Variants in BCAT1 observed in about 807,000 individuals in gnomAD.
BCAT1 encodes branched chain amino acid transaminase 1.
BCAT1 carries 48 observed loss-of-function variants against 52.4 expected under a neutral mutation model. That is an observed-to-expected ratio of 0.92 (90% CI 0.73 to 1.16). The LOEUF (loss-of-function observed/expected upper bound fraction) is 1.16, where lower values mean the gene tolerates loss of function less well. BCAT1 is among the 50% of genes most tolerant of loss of function. BCAT1 has a pLI of 0.00. For missense variants in BCAT1, 451 were observed against 457.1 expected, an observed-to-expected ratio of 0.99 and a Z score of 0.12; for synonymous variants, 167 against 161.3, an observed-to-expected ratio of 1.04 and a Z score of -0.27.
Position 24,817,295 on chromosome 12 carries a change from T to C in BCAT1, c.*713A>G, listed in dbSNP as rs1221088282. 6.6e-6 allele frequency: 1 copy of C among 152,440 alleles called. No individual in the cohort carries two copies. The highest frequency in any genetic ancestry group is 1.9e-4 in the East Asian group (1 of 5,202). 9.4% of individuals were successfully genotyped at this position (152,440 alleles called of 1,614,324 possible). A position where few individuals can be genotyped will look rare whatever the true frequency, so the allele number is the denominator to read the frequency against. On this transcript the variant is annotated 3_prime_UTR_variant, in exon 11 of 11. Coordinates refer to ENST00000261192, the MANE Select transcript of BCAT1 (RefSeq NM_005504.7). ...ATTATAAAACCATTTACTGAGTACC[T>C]ACTATATGTCAGCCATGGGGGATAC...
chr12:24,906,311 G>A (rs1005501889), intron 1 of BCAT1, among the ~76,000 whole-genome samples: 1 of 152,160 alleles, frequency 6.6e-6, no homozygotes, highest in African/African-American at 2.4e-5. Flanking sequence ...AAAAAGGAAT[G>A]TTGAAAAAGA....
chr12:24,938,863 G>GATAT (rs1943807216), intron 1 of BCAT1, among the ~76,000 whole-genome samples: 1 of 118,040 alleles, frequency 8.5e-6, no homozygotes, highest in East Asian at 2.8e-4. Flanking sequence ...TATTGCCTTT[G>GATAT]CTATTTATTT....
chr12:24,949,182 GC>G (rs1943985247), upstream of BCAT1: 25 of 533,294 alleles, frequency 4.7e-5, no homozygotes, highest in East Asian at 7.0e-4. Flanking sequence ...CCCCCAGGCC[GC>G]CCCCAGATGG....
chr12:24,900,275 C>A (rs1943063953), intron 2 of BCAT1, among the ~76,000 whole-genome samples: 1 of 152,088 alleles, frequency 6.6e-6, no homozygotes, highest in Non-Finnish European at 1.5e-5. Flanking sequence ...ATACAGAAAT[C>A]TAAATTAACA....
At chr12:24,859,996 T>TA (rs1941809470) in intron 5 of BCAT1, among the ~76,000 whole-genome samples, 1 of 152,244 alleles carries the variant, frequency 6.6e-6, no homozygotes, top group Non-Finnish European at 1.5e-5. Context: ...ACTTAGTTTA[T>TA]GTTATCAGTA....
chr12:24,857,955 T>TATGG (rs1252205314), intron 5 of BCAT1, among the ~76,000 whole-genome samples: 2 of 152,112 alleles, frequency 1.3e-5, no homozygotes, highest in Non-Finnish European at 2.9e-5. Flanking sequence ...ACCTAGAAGG[T>TATGG]ATGGAAACAT....
At chr12:24,851,991 C>T (rs1275518589) in intron 5 of BCAT1, among the ~76,000 whole-genome samples, 2 of 151,992 alleles carry the variant, frequency 1.3e-5, no homozygotes, top group Admixed American at 1.3e-4. Flanking sequence ...AGGAGGGGCC[C>T]AGTGTGAGAT....
At chr12:24,822,313 A>C (rs2139324880) in intron 10 of BCAT1, among the ~76,000 whole-genome samples, 1 of 152,362 alleles carries the variant, frequency 6.6e-6, no homozygotes, top group Admixed American at 6.5e-5. Flanking sequence ...TATTACTCAT[A>C]TGCAGAAGTA....
chr12:24,870,155 C>G (rs1319766235), intron 5 of BCAT1, among the ~76,000 whole-genome samples: 1 of 151,952 alleles, frequency 6.6e-6, no homozygotes, highest in Non-Finnish European at 1.5e-5. Flanking sequence ...ACCTTTGGTT[C>G]TACTTGAATT....
At chr12:24,879,729 G>A (rs1942440537) in intron 4 of BCAT1, among the ~76,000 whole-genome samples, 1 of 152,174 alleles carries the variant, frequency 6.6e-6, no homozygotes, top group Non-Finnish European at 1.5e-5. Flanking sequence ...TTCTTGCCCT[G>A]TCCTTTTGCT....
chr12:24,949,105 C>A (rs540492086), upstream of BCAT1: 1 of 614,718 alleles, frequency 1.6e-6, no homozygotes, highest in South Asian at 2.1e-5. Context: ...GGATTGCAGA[C>A]CGGCCCTCTC....
Position 24,836,613 on chromosome 12 carries a change from G to T in BCAT1, c.818-17C>A, listed in dbSNP as rs1225296162. On this transcript the variant is annotated splice_polypyrimidine_tract_variant and intron_variant, in intron 7 of 10. Coordinates refer to ENST00000261192, the MANE Select transcript of BCAT1 (RefSeq NM_005504.7). ...GTTCTTCTTCTGTCAATCAGAAATT[G>T]GGACATTTTCAAACTTTCACTACAT... 6.3e-7 allele frequency: 1 copy of T among 1,596,458 alleles called. No individual in the cohort carries two copies. The highest frequency in any genetic ancestry group is 1.7e-5 in the Admixed American group (1 of 58,802).
At chr12:24,923,090 T>C (rs1943526122) in intron 1 of BCAT1, among the ~76,000 whole-genome samples, 2 of 152,128 alleles carry the variant, frequency 1.3e-5, no homozygotes. Flanking sequence ...TGTGGGGCTG[T>C]CATGTAAACA....
At chr12:24,893,857 C>A (rs1242764812) in intron 3 of BCAT1, among the ~76,000 whole-genome samples, 1 of 152,138 alleles carries the variant, frequency 6.6e-6, no homozygotes, top group African/African-American at 2.4e-5. Context: ...CCTTAACATG[C>A]ATAACTAGAC....
Position 24,817,679 on chromosome 12 carries a change from T to C in BCAT1, c.*329A>G, listed in dbSNP as rs1939931729. On this transcript the variant is annotated 3_prime_UTR_variant, in exon 11 of 11. Coordinates refer to ENST00000261192, the MANE Select transcript of BCAT1 (RefSeq NM_005504.7). Reference sequence around the variant, plus strand: ...TTTGAGGAGCAGAATGTAACTTATATTAAAGAATAAACTACTATTTAGTAT... The same window carrying C: ...TTTGAGGAGCAGAATGTAACTTATACTAAAGAATAAACTACTATTTAGTAT... The C allele has an allele frequency of 4.5e-6, 1 of 223,404 alleles. No individual in the cohort carries two copies. Among genetic ancestry groups the C allele is most frequent in the Non-Finnish European group, 8.8e-6 (1 of 113,424 alleles). The allele number at this position is 223,404 out of a possible 1,614,324, so 13.8% of individuals were successfully genotyped here. A position where few individuals can be genotyped will look rare whatever the true frequency, so the allele number is the denominator to read the frequency against.
At chr12:24,904,741 T>TA (rs1943199326) in intron 1 of BCAT1, 1 of 152,258 alleles carries the variant, frequency 6.6e-6, no homozygotes, top group Non-Finnish European at 1.5e-5. Context: ...ACGGTGTATC[T>TA]ATCCACCATG....
At chr12:24,944,437 C>T (rs117090647) in intron 1 of BCAT1, among the ~76,000 whole-genome samples, 3 of 152,188 alleles carry the variant, frequency 2.0e-5, no homozygotes, top group Non-Finnish European at 2.9e-5. Flanking sequence ...ACCCAAACTT[C>T]GTCTCAACTG....
At chr12:24,903,346 A>C in intron 1 of BCAT1, 1 of 232,778 alleles carries the variant, frequency 4.3e-6, no homozygotes, top group Non-Finnish European at 8.3e-6. Flanking sequence ...CTCTAGGTGA[A>C]TGGCCGGGAA....
At chr12:24,851,739 A>G (rs1941518580) in intron 5 of BCAT1, among the ~76,000 whole-genome samples, 1 of 152,208 alleles carries the variant, frequency 6.6e-6, no homozygotes, top group South Asian at 2.1e-4. Context: ...TTAAAGCTTC[A>G]TTTGCCTTTT....
Sources: allele counts gnomAD v4.1 joint callset (sites outside exome capture counted in the v4.1 genomes callset), GRCh38; gene constraint gnomAD v4.1.1; transcripts MANE v1.5; gene names NCBI Gene and HGNC (gene_info 2026-07-23, HGNC 2026-07-21).